AP4S1: variants seen among roughly 807,000 people sequenced by gnomAD.
AP4S1 encodes the protein AP-4 complex subunit sigma-1.
Under a neutral mutation model 19.8 loss-of-function variants are expected in AP4S1, and 23 were observed. The ratio of observed to expected loss-of-function variants is 1.16; its 90% confidence interval spans 0.84 to 1.65. The LOEUF (loss-of-function observed/expected upper bound fraction) is 1.65. Among genes scored for constraint, AP4S1 ranks in the 40% most tolerant of loss-of-function variants. AP4S1 has a pLI of 0.00. For missense variants in AP4S1, 166 were observed against 172.8 expected (o/e 0.96, Z 0.22); for synonymous variants, 46 against 54.1 (o/e 0.85, Z 0.66).
In AP4S1 at chr14:31,029,705, T is replaced by G. The variant is rs139668426; in HGVS notation, c.-72+3918T>G. The stretch of plus-strand genomic sequence containing the variant: ...GGCCACGTGAGTCTGTAGTCCCAGC[T>G]ACTCTGGAGGCTGAGATGGGAGGAT... On this transcript the variant is annotated intron_variant, in intron 1 of 5. Transcript: ENST00000542754. Among the ~76,000 whole-genome samples, 744 of 152,168 alleles carry G rather than the reference T, an allele frequency of 4.9e-3. 1 individual carries two copies. The highest frequency in any genetic ancestry group is 7.8e-3 in the Non-Finnish European group (528 of 67,994).
At chr14:31,058,527 A>ATGTGTGTGTGTGTGTGTG (rs140119208) in intron 1 of AP4S1, among the ~76,000 whole-genome samples, 1 of 136,668 alleles carries the variant, frequency 7.3e-6, no homozygotes, top group African/African-American at 2.9e-5. Context: ...CTGTGTGTGT[A>ATGTGTGTGTGTGTGTGTG]TGTGTGTGTG....
intron 1 of AP4S1, among the ~76,000 whole-genome samples, chr14:31,062,696 G>T (rs1303014579): frequency 6.6e-6 from 1 of 151,966 alleles, no homozygotes; most frequent in Non-Finnish European, 1.5e-5. Flanking sequence ...GGCCAGGCGC[G>T]GTGGCTCATG....
intron 4 of AP4S1, among the ~76,000 whole-genome samples, chr14:31,073,602 A>T (rs992619899): frequency 1.6e-4 from 23 of 143,758 alleles, no homozygotes; most frequent in Admixed American, 2.8e-4. Flanking sequence ...TTTATTATTT[A>T]TTTATTTTTT....
intron 3 of AP4S1, 54 bp from the exon 4 acceptor site, chr14:31,072,851 G>C (rs1423228662): frequency 4.8e-6 from 7 of 1,452,794 alleles, no homozygotes; most frequent in Non-Finnish European, 6.8e-6. Flanking sequence ...TCTATGTCTG[G>C]TTTACATGGG....
At chr14:31,070,790 T>C (rs1371193139) in intron 3 of AP4S1, among the ~76,000 whole-genome samples, 1 of 152,170 alleles carries the variant, frequency 6.6e-6, no homozygotes, top group East Asian at 1.9e-4. Flanking sequence ...CGGTGGCCCA[T>C]GCCTGAAATC....
intron 1 of AP4S1, among the ~76,000 whole-genome samples, chr14:31,043,018 C>G (rs763288983): frequency 5.9e-5 from 9 of 152,100 alleles, no homozygotes; most frequent in Non-Finnish European, 7.4e-5. Flanking sequence ...GCCAGAAGCT[C>G]AAGATCAGCC....
chr14:31,073,440 A>C (rs1887162993), intron 4 of AP4S1, among the ~76,000 whole-genome samples: 1 of 140,884 alleles, frequency 7.1e-6, no homozygotes, highest in African/African-American at 2.5e-5. Flanking sequence ...CAGTGAGCCG[A>C]GATCCCGCCA....
intron 1 of AP4S1, among the ~76,000 whole-genome samples, chr14:31,057,579 T>G (rs1886189745): frequency 6.6e-6 from 1 of 152,210 alleles, no homozygotes; most frequent in Non-Finnish European, 1.5e-5. Context: ...GACATGGATC[T>G]GAGCATATTC....
chr14:31,042,413 C>A (rs1229971301), intron 1 of AP4S1, among the ~76,000 whole-genome samples: 1 of 152,082 alleles, frequency 6.6e-6, no homozygotes, highest in Non-Finnish European at 1.5e-5. Flanking sequence ...CTGGCCATTA[C>A]CACTTTATAT....
At chr14:31,080,513 T>A in intron 4 of AP4S1, 60 bp from the exon 5 acceptor site, 1 of 1,414,154 alleles carries the variant, frequency 7.1e-7, no homozygotes, top group South Asian at 1.2e-5. Context: ...CTGACTCTGC[T>A]AAGAGCAGTG....
chr14:31,088,807 CAA>C (rs1283476951), intron 5 of AP4S1, among the ~76,000 whole-genome samples: 861 of 35,264 alleles, frequency 0.024, 7 homozygotes, highest in African/African-American at 0.076. Context: ...GACTCCATCT[CAA>C]AAAAAAAAAA....
At chr14:31,052,942 T>C (rs1349654905) in intron 1 of AP4S1, among the ~76,000 whole-genome samples, 1 of 146,696 alleles carries the variant, frequency 6.8e-6, no homozygotes, top group African/African-American at 2.5e-5. Context: ...AAATTTTTTT[T>C]TTTTTTTTTT....
chr14:31,063,667 GAC>G (rs1886562082), intron 1 of AP4S1, among the ~76,000 whole-genome samples: 1 of 152,116 alleles, frequency 6.6e-6, no homozygotes, highest in African/African-American at 2.4e-5. Context: ...GACCAGAACA[GAC>G]TAAAGCAACA....
intron 1 of AP4S1, among the ~76,000 whole-genome samples, chr14:31,030,408 A>G (rs1359592391): frequency 6.6e-6 from 1 of 152,108 alleles, no homozygotes; most frequent in Non-Finnish European, 1.5e-5. Flanking sequence ...GAATCTCACT[A>G]TGTTGCCCAG....
Position 31,049,429 on chromosome 14 carries a change from ATATATATATATAT to A in AP4S1, c.-71-16696_-71-16684del, listed in dbSNP as rs1403843048. Reference sequence around the variant, plus strand: ...ACTCGGTCTCAAAAAAAAAAAAAAAATATATATATATATATATATATATATATATATATGTATA... The same window carrying A: ...ACTCGGTCTCAAAAAAAAAAAAAAAAATATATATATATATATATATGTATA... On this transcript the variant is annotated intron_variant, in intron 1 of 5. Transcript: ENST00000542754. Among the ~76,000 whole-genome samples the A allele has an allele frequency of 1.8e-3, 66 of 35,890 alleles. 1 individual carries two copies. Among genetic ancestry groups the A allele is most frequent in the African/African-American group, 5.7e-3 (53 of 9,302 alleles). 23.5% of individuals were successfully genotyped at this position (35,890 alleles called of 152,430 possible).
rs149723623 is a variant in AP4S1 at position 31,085,678 on chromosome 14, T to C, written c.306+5094T>C. On this transcript the variant is annotated intron_variant, in intron 5 of 5. Coordinates refer to ENST00000542754, the MANE Select transcript of AP4S1 (RefSeq NM_001128126.3). ...GTCCCAACTACTAGGGAGGCTGAGG[T>C]GGGAGGATCACTTGAGCCTGGGGGA... 19 of 646,728 alleles carry C rather than the reference T, an allele frequency of 2.9e-5. 2 individuals carry two copies. The African/African-American group carries it at 3.6e-4, about 12-fold the overall frequency. The allele number at this position is 646,728 out of a possible 1,614,324, so 40.1% of individuals were successfully genotyped here.
intron 4 of AP4S1, 151 bp downstream of exon 4, chr14:31,073,124 C>T: frequency 1.4e-6 from 1 of 707,138 alleles, no homozygotes; most frequent in Non-Finnish European, 2.5e-6. Context: ...CTTTATCTTT[C>T]CTTCTGGTTT....
chr14:31,028,446 A>C (rs887517419), intron 1 of AP4S1, among the ~76,000 whole-genome samples: 1 of 152,124 alleles, frequency 6.6e-6, no homozygotes, highest in African/African-American at 2.4e-5. Flanking sequence ...CAAAGTGTTA[A>C]GATTACATAT....
chr14:31,073,039 G>C (rs1887100012), intron 4 of AP4S1, 66 bp downstream of exon 4: 2 of 1,312,266 alleles, frequency 1.5e-6, no homozygotes, highest in Non-Finnish European at 2.2e-6. Flanking sequence ...GAGTCTCTTT[G>C]GATCTATATC....
Sources: gnomAD v4.1 joint callset for allele counts (sites outside exome capture counted in the v4.1 genomes callset) on GRCh38, gnomAD v4.1.1 for gene constraint, MANE v1.5 for transcripts, NCBI Gene and HGNC (gene_info 2026-07-23, HGNC 2026-07-21) for gene names.